Variants in SLIT2 observed in about 807,000 individuals in gnomAD.
The protein encoded by SLIT2 is slit homolog 2 protein.
SLIT2 carries 41 observed loss-of-function variants against 185.7 expected under a neutral mutation model. The ratio of observed to expected loss-of-function variants is 0.22; its 90% CI spans 0.17 to 0.29. SLIT2 has a LOEUF of 0.29. Among genes scored for constraint, SLIT2 ranks in the 10% least tolerant of loss-of-function variants. The pLI is 1.00. For missense variants in SLIT2, 1,571 were observed against 1,909.0 expected, an observed-to-expected ratio of 0.82 and a Z score of 3.30; for synonymous variants, 693 against 680.2, an observed-to-expected ratio of 1.02 and a Z score of -0.29.
chr4:20,616,689 A>G, intron 34 of SLIT2: 1 of 452,250 alleles, frequency 2.2e-6, no homozygotes. Flanking sequence ...TAGGTATTTT[A>G]TTCTAGTTGT....
At chr4:20,556,506 T>G (rs1724265604) in intron 26 of SLIT2, among the ~76,000 whole-genome samples, 1 of 152,056 alleles carries the variant, frequency 6.6e-6, no homozygotes. Context: ...ATATTTGTAC[T>G]CCACTCTTAG....
chr4:20,483,633 G>T (rs1430676858), intron 6 of SLIT2, among the ~76,000 whole-genome samples: 1 of 151,936 alleles, frequency 6.6e-6, no homozygotes, highest in Non-Finnish European at 1.5e-5. Context: ...TCTGCCAAAC[G>T]ATATGCATGG....
chr4:20,510,849 T>C (rs1344977514), intron 10 of SLIT2, among the ~76,000 whole-genome samples: 1 of 152,208 alleles, frequency 6.6e-6, no homozygotes, highest in Non-Finnish European at 1.5e-5. Flanking sequence ...TTGTCAAAAA[T>C]AAGACATAGC....
rs1041546615 is a variant in SLIT2 at position 20,598,323 on chromosome 4, C to T, written c.3620C>T (p.Ala1207Val). 1.1e-5 allele frequency: 17 copies of T among 1,614,016 alleles called. No homozygotes were observed. The highest frequency in any genetic ancestry group is 1.2e-5 in the Non-Finnish European group (14 of 1,179,938). The change falls in exon 33 of 37, where the codon GCG becomes GTG. Residue 1207 changes from alanine to valine, a missense_variant. By Grantham distance (64) the Ala-to-Val change is moderately conservative (BLOSUM62 0). Around this residue, in one of 3 missense-constraint regions of SLIT2, gnomAD observed 146 missense variants for 247.4 expected, o/e 0.59. Coordinates refer to ENST00000504154, the MANE Select transcript of SLIT2 (RefSeq NM_004787.4). ...TATAAGGGTGACAAAGACCATATCG[C>T]GGTAGAACTCTATCGGGGGCGTGTT... ...LLYKGDKDHI[A>V]VELYRGRVRA...
chr4:20,311,862 G>T (rs1213768375), intron 4 of SLIT2, among the ~76,000 whole-genome samples: 4 of 152,050 alleles, frequency 2.6e-5, no homozygotes, highest in Admixed American at 1.3e-4. Flanking sequence ...ATTTCTCAGG[G>T]CTTTCAATAT....
intron 4 of SLIT2, among the ~76,000 whole-genome samples, chr4:20,418,004 G>T (rs1727838020): frequency 1.3e-5 from 2 of 152,260 alleles, no homozygotes; most frequent in Middle Eastern, 3.4e-3. Context: ...TGTATGAAAT[G>T]ATCTTAAGGG....
At chr4:20,454,944 G>A (rs1249521256) in intron 4 of SLIT2, among the ~76,000 whole-genome samples, 1 of 151,532 alleles carries the variant, frequency 6.6e-6, no homozygotes, top group Non-Finnish European at 1.5e-5. Flanking sequence ...AAGAAGCAAA[G>A]ACATGCCAAT....
intron 4 of SLIT2, among the ~76,000 whole-genome samples, chr4:20,441,060 C>CA (rs142000936): frequency 0.24 from 34,255 of 141,308 alleles, 4,041 homozygotes; most frequent in Non-Finnish European, 0.29. Context: ...CCGAAGCCTC[C>CA]AAAAAAAAAA....
Position 20,256,270 on chromosome 4 carries a change from G to T in SLIT2, c.180-402G>T, listed in dbSNP as rs11724922. On this transcript the variant is annotated intron_variant, in intron 1 of 36. Transcript: ENST00000504154. ...TTTTTATAAAATTTCTTCCTGAATA[G>T]CATGAGAAAATTGGGCATTTAACCT... 1.0e-2 allele frequency among the ~76,000 whole-genome samples: 1,500 copies of T among 150,748 alleles called. 11 individuals carry two copies. Among genetic ancestry groups the T allele is most frequent in the Middle Eastern group, 0.031 (9 of 294 alleles).
chr4:20,448,857 C>T (rs1226181647), intron 4 of SLIT2, among the ~76,000 whole-genome samples: 11 of 151,742 alleles, frequency 7.2e-5, no homozygotes, highest in Admixed American at 2.6e-4. Context: ...AGGATGGTCT[C>T]GATCTCTTGA....
chr4:20,585,452 G>A (rs1726977106), intron 29 of SLIT2, among the ~76,000 whole-genome samples: 1 of 152,206 alleles, frequency 6.6e-6, no homozygotes, highest in African/African-American at 2.4e-5. Context: ...AAGGGCCCAT[G>A]GCTGAAAATA....
chr4:20,342,196 CTG>C (rs935141292), intron 4 of SLIT2, among the ~76,000 whole-genome samples: 2 of 152,236 alleles, frequency 1.3e-5, no homozygotes, highest in South Asian at 2.1e-4. Context: ...TTATATTCCA[CTG>C]TGGGATAAAA....
At chr4:20,262,313 G>T (rs1712556494) in intron 3 of SLIT2, among the ~76,000 whole-genome samples, 1 of 151,788 alleles carries the variant, frequency 6.6e-6, no homozygotes, top group Non-Finnish European at 1.5e-5. Context: ...GAGGAAGTAT[G>T]ATGTTGGTAG....
chr4:20,305,740 G>T (rs1321623260), intron 4 of SLIT2, among the ~76,000 whole-genome samples: 2 of 151,764 alleles, frequency 1.3e-5, no homozygotes, highest in Non-Finnish European at 2.9e-5. Flanking sequence ...GGGCATGGTG[G>T]CGCTCAACTG....
rs749617274 is a variant in SLIT2 at position 20,616,918 on chromosome 4, G to C, written c.3856G>C (p.Gly1286Arg). 7 of 1,595,452 alleles carry C rather than the reference G, an allele frequency of 4.4e-6. No homozygotes were observed. The Middle Eastern group carries it at 5.1e-4, about 115-fold the overall frequency. ...DSPLYVGGMP[G>R]KSNVASLRQA... ...CTGGTGTTCCTCCCCAGGCATGCCA[G>C]GGAAGAGTAACGTGGCATCTCTGCG... is the stretch of plus-strand genomic sequence containing the variant. Residue 1286 changes from glycine (G) to arginine (R), a missense_variant, in exon 35 of 37, where the codon GGG (glycine) becomes CGG (arginine). Physicochemically the swap from Gly to Arg is moderately radical, Grantham distance 125 (BLOSUM62 -2). Around this residue, in one of 3 missense-constraint regions of SLIT2, gnomAD observed 146 missense variants for 247.4 expected, o/e 0.59. Transcript: ENST00000504154.
chr4:20,282,898 T>C (rs1171066539), intron 4 of SLIT2, among the ~76,000 whole-genome samples: 1 of 152,194 alleles, frequency 6.6e-6, no homozygotes, highest in African/African-American at 2.4e-5. Context: ...TATATTATTT[T>C]TTTTGTGCCA....
intron 6 of SLIT2, among the ~76,000 whole-genome samples, chr4:20,485,100 A>G (rs1336223485): frequency 6.6e-6 from 1 of 152,074 alleles, no homozygotes; most frequent in Non-Finnish European, 1.5e-5. Flanking sequence ...TCAACACCTC[A>G]ATGTGTACCT....
intron 15 of SLIT2, among the ~76,000 whole-genome samples, chr4:20,526,623 GGTT>G (rs1721319407): frequency 6.6e-6 from 1 of 152,058 alleles, no homozygotes; most frequent in Non-Finnish European, 1.5e-5. Context: ...ACAAAAGTCA[GGTT>G]GTTTTCATAT....
intron 5 of SLIT2, among the ~76,000 whole-genome samples, chr4:20,474,269 A>T (rs192962776): frequency 4.3e-4 from 66 of 152,112 alleles, no homozygotes; most frequent in Middle Eastern, 3.4e-3. Flanking sequence ...CATATATATA[A>T]AAAAATTAGT....
Sources: allele counts gnomAD v4.1 joint callset (sites outside exome capture counted in the v4.1 genomes callset), GRCh38; gene constraint gnomAD v4.1.1; regional missense constraint gnomAD v4.1.1; transcripts MANE v1.5; gene names NCBI Gene and HGNC (gene_info 2026-07-23, HGNC 2026-07-21).